ARHGAP15: variants seen among roughly 807,000 people sequenced by gnomAD.
ARHGAP15 encodes the protein Rho GTPase activating protein 15.
ARHGAP15 carries 51 observed loss-of-function variants against 63.7 expected under a neutral mutation model. The observed-to-expected ratio is 0.80, with a 90% CI of 0.64 to 1.01. The LOEUF (loss-of-function observed/expected upper bound fraction) is 1.01. Ranked by LOEUF, ARHGAP15 falls within the 50% of genes least tolerant of loss-of-function variation. ARHGAP15 has a pLI of 0.00. For missense variants in ARHGAP15, 560 were observed against 564.6 expected (o/e 0.99, Z 0.08); for synonymous variants, 191 against 193.8 (o/e 0.99, Z 0.12).
intron 9 of ARHGAP15, among the ~76,000 whole-genome samples, chr2:143,503,468 G>A (rs888712971): frequency 6.6e-6 from 1 of 152,172 alleles, no homozygotes; most frequent in African/African-American, 2.4e-5. Flanking sequence ...ATTTGGGCAA[G>A]ATGATGAAAT....
chr2:143,674,338 T>A (rs1682719276), intron 12 of ARHGAP15, among the ~76,000 whole-genome samples: 1 of 152,164 alleles, frequency 6.6e-6, no homozygotes, highest in South Asian at 2.1e-4. Context: ...GATGAATCGT[T>A]AAAATTTTTT....
At chr2:143,457,002 A>C (rs1224468127) in intron 8 of ARHGAP15, among the ~76,000 whole-genome samples, 1 of 152,078 alleles carries the variant, frequency 6.6e-6, no homozygotes. Context: ...ACAGATGGTG[A>C]GTTAAAAAGT....
At chr2:143,251,044 C>A (rs1414783971) in intron 6 of ARHGAP15, among the ~76,000 whole-genome samples, 1 of 151,748 alleles carries the variant, frequency 6.6e-6, no homozygotes, top group Non-Finnish European at 1.5e-5. Flanking sequence ...GAGGGCTGAA[C>A]AGCTATAAAA....
At chr2:143,731,201 C>T (rs1333832584) in intron 13 of ARHGAP15, among the ~76,000 whole-genome samples, 2 of 152,100 alleles carry the variant, frequency 1.3e-5, no homozygotes, top group African/African-American at 2.4e-5. Context: ...CCCAAATTTA[C>T]TTTAAATTGT....
At position 143,488,567 on chromosome 2, in the gene ARHGAP15, C is replaced by T. The variant is rs139388873; in HGVS notation, c.826+1072C>T. ...AAATTGGGCGAAAAGAAACTCCTAA[C>T]CCTCAGAAGAAAGCTGAAAGGCTAA... On this transcript the variant is annotated intron_variant, in intron 9 of 13. Transcript: ENST00000295095. Among the ~76,000 whole-genome samples, 920 of 152,270 alleles carry T rather than the reference C, an allele frequency of 6.0e-3. 6 individuals are homozygous for T. Among genetic ancestry groups the T allele is most frequent in the Admixed American group, 0.011 (170 of 15,288 alleles).
chr2:143,386,241 T>C (rs995320699), intron 6 of ARHGAP15, among the ~76,000 whole-genome samples: 1 of 152,064 alleles, frequency 6.6e-6, no homozygotes, highest in Non-Finnish European at 1.5e-5. Context: ...TAGACAAAAA[T>C]GGCCATGGGT....
At chr2:143,227,305 T>C (rs1228388475) in intron 4 of ARHGAP15, among the ~76,000 whole-genome samples, 2 of 152,144 alleles carry the variant, frequency 1.3e-5, no homozygotes, top group African/African-American at 2.4e-5. Context: ...ACTACTGTCA[T>C]ATCAAGACTT....
chr2:143,310,619 A>G (rs1164265643), intron 6 of ARHGAP15, among the ~76,000 whole-genome samples: 1 of 152,074 alleles, frequency 6.6e-6, no homozygotes, highest in Non-Finnish European at 1.5e-5. Context: ...GCATCTGAGT[A>G]TATTGTAATA....
intron 6 of ARHGAP15, among the ~76,000 whole-genome samples, chr2:143,424,673 C>A (rs1291273133): frequency 2.0e-5 from 3 of 152,120 alleles, no homozygotes; most frequent in African/African-American, 7.2e-5. Context: ...CTCCAACATT[C>A]ATCCCTGGGT....
At chr2:143,144,038 T>C (rs1447156140) in intron 1 of ARHGAP15, among the ~76,000 whole-genome samples, 1 of 152,090 alleles carries the variant, frequency 6.6e-6, no homozygotes, top group Non-Finnish European at 1.5e-5. Flanking sequence ...GTTCCTGTGT[T>C]AGTTTGCTAA....
At chr2:143,445,995 C>G (rs1361393035) in intron 8 of ARHGAP15, among the ~76,000 whole-genome samples, 1 of 151,936 alleles carries the variant, frequency 6.6e-6, no homozygotes, top group Admixed American at 6.6e-5. Context: ...CCTCAGAACC[C>G]TGTTCAAAAG....
Position 143,637,836 on chromosome 2 carries a change from C to T in ARHGAP15, c.1138+13569C>T, listed in dbSNP as rs188168668. On this transcript the variant is annotated intron_variant, in intron 12 of 13. Coordinates refer to ENST00000295095, the MANE Select transcript of ARHGAP15 (RefSeq NM_018460.4). ...ACAAACAACCCCATCAAAAAGTGGG[C>T]GAAGGACATGAACAGACACTTCTCA... is the stretch of plus-strand genomic sequence containing the variant. Among the ~76,000 whole-genome samples the T allele has an allele frequency of 5.9e-3, 890 of 151,786 alleles. 4 individuals carry two copies. The highest frequency in any genetic ancestry group is 0.01 in the Non-Finnish European group (701 of 67,950).
intron 2 of ARHGAP15, among the ~76,000 whole-genome samples, chr2:143,187,076 C>T (rs1691478607): frequency 6.6e-6 from 1 of 151,988 alleles, no homozygotes; most frequent in South Asian, 2.1e-4. Context: ...CTAATAACAG[C>T]CAAGAGATTA....
rs921487905 is a variant in ARHGAP15, at chr2:143,227,273, C to T, written c.297-1308C>T. Reference sequence around the variant, plus strand: ...AGAAATACAAAGGAGACTCAAAAGCCGCGATTTTACCACTTGATTTAACTA... The same window carrying T: ...AGAAATACAAAGGAGACTCAAAAGCTGCGATTTTACCACTTGATTTAACTA... On this transcript the variant is annotated intron_variant, in intron 4 of 13. Transcript: ENST00000295095. Among the ~76,000 whole-genome samples the T allele has an allele frequency of 2.6e-4, 39 of 151,966 alleles. 1 individual carries two copies. The highest frequency in any genetic ancestry group is 9.2e-4 in the African/African-American group (38 of 41,358).
At chr2:143,716,080 A>G (rs1684797555) in intron 13 of ARHGAP15, among the ~76,000 whole-genome samples, 1 of 152,160 alleles carries the variant, frequency 6.6e-6, no homozygotes, top group African/African-American at 2.4e-5. Context: ...GGCTTAATAC[A>G]TAGGTGATAG....
chr2:143,434,100 T>A (rs1389830823), intron 6 of ARHGAP15, among the ~76,000 whole-genome samples: 1 of 152,128 alleles, frequency 6.6e-6, no homozygotes, highest in African/African-American at 2.4e-5. Context: ...GGAGGCTGTT[T>A]TGAGCCATCC....
intron 12 of ARHGAP15, among the ~76,000 whole-genome samples, chr2:143,664,683 A>C (rs1458867759): frequency 6.6e-6 from 1 of 152,204 alleles, no homozygotes; most frequent in Non-Finnish European, 1.5e-5. Flanking sequence ...AGACTAATAA[A>C]GAAAAAAAGA....
chr2:143,551,017 G>T (rs1695539134), intron 10 of ARHGAP15, among the ~76,000 whole-genome samples: 1 of 151,908 alleles, frequency 6.6e-6, no homozygotes, highest in Admixed American at 6.6e-5. Flanking sequence ...AGAGAAAGAG[G>T]GTGTACAGAT....
At position 143,266,363 on chromosome 2, in the gene ARHGAP15, T is replaced by C. The variant is rs558724979; in HGVS notation, c.474+15763T>C. Among the ~76,000 whole-genome samples the C allele has an allele frequency of 2.6e-5, 4 of 152,266 alleles. No individual in the cohort carries two copies. The East Asian group carries it at 5.8e-4, about 22-fold the overall frequency. ...GTGATAGGAGAAGGTAGCTGAAATA[T>C]ATTTCAAGTACAAGCTCTAAGCAAG... On this transcript the variant is annotated intron_variant, in intron 6 of 13. Coordinates refer to ENST00000295095, the MANE Select transcript of ARHGAP15 (RefSeq NM_018460.4).
Sources: gnomAD v4.1 joint callset for allele counts (sites outside exome capture counted in the v4.1 genomes callset) on GRCh38, gnomAD v4.1.1 for gene constraint, MANE v1.5 for transcripts, NCBI Gene and HGNC (gene_info 2026-07-23, HGNC 2026-07-21) for gene names.